The following RAI2 variants were observed in gnomAD, a reference collection of about 807,000 sequenced individuals.
RAI2 encodes retinoic acid induced 2, also known as retinoic acid-induced protein 2.
Under a neutral mutation model 15.3 loss-of-function variants are expected in RAI2, and 5 were observed. The ratio of observed to expected loss-of-function variants is 0.33; its 90% CI spans 0.17 to 0.69. RAI2 has a LOEUF of 0.69. RAI2 is among the 30% of genes least tolerant of loss of function. The pLI, the probability that RAI2 is intolerant of heterozygous loss-of-function variation, is 0.69. For missense variants in RAI2, 424 were observed against 424.7 expected (o/e 1.00, Z 0.01); for synonymous variants, 191 against 184.0 (o/e 1.04, Z -0.31).
At chrX:17,837,044 T>C (rs1478403566) in intron 1 of RAI2, among the ~76,000 whole-genome samples, 1 of 111,899 alleles carries the variant, frequency 8.9e-6, no homozygotes, top group Non-Finnish European at 1.9e-5. Flanking sequence ...CATTGCATCA[T>C]CAGTTGAGGG....
At chrX:17,820,476 G>T (rs2067152144) in intron 1 of RAI2, among the ~76,000 whole-genome samples, 1 of 111,884 alleles carries the variant, frequency 8.9e-6, no homozygotes, top group African/African-American at 3.3e-5. Context: ...GAAGTGGAAA[G>T]TCAGAAGTTC....
chrX:17,835,639 A>ACAAACT (rs2067326463), intron 1 of RAI2, among the ~76,000 whole-genome samples: 2 of 111,521 alleles, frequency 1.8e-5, no homozygotes, highest in Admixed American at 9.5e-5. Flanking sequence ...CCCCAGAACC[A>ACAAACT]CAAACTCAAA....
intron 1 of RAI2, among the ~76,000 whole-genome samples, chrX:17,836,557 GA>G (rs1258544188): frequency 2.7e-5 from 3 of 111,847 alleles, no homozygotes; most frequent in Non-Finnish European, 3.8e-5. Flanking sequence ...TTGTAAAGGT[GA>G]AAAAAATTCT....
chrX:17,853,098 G>A (rs951809821), intron 1 of RAI2, among the ~76,000 whole-genome samples: 21 of 111,310 alleles, frequency 1.9e-4, no homozygotes, highest in African/African-American at 6.2e-4. Context: ...GTCATGCCTG[G>A]AATCAGGTGC....
intron 1 of RAI2, among the ~76,000 whole-genome samples, chrX:17,855,180 T>C (rs1387952319): frequency 8.9e-6 from 1 of 112,120 alleles, no homozygotes; most frequent in Non-Finnish European, 1.9e-5. Flanking sequence ...CTTGCTCTTG[T>C]TCTCATCAAG....
intron 1 of RAI2, among the ~76,000 whole-genome samples, chrX:17,806,709 C>T (rs1489206101): frequency 9.0e-6 from 1 of 111,186 alleles, no homozygotes; most frequent in Non-Finnish European, 1.9e-5. Flanking sequence ...AAAGACATAC[C>T]TGAGACTGGG....
chrX:17,853,734 T>C (rs1159985157), intron 1 of RAI2, among the ~76,000 whole-genome samples: 2 of 111,545 alleles, frequency 1.8e-5, no homozygotes, highest in African/African-American at 6.5e-5. Context: ...ACATATATGT[T>C]GACTAACATA....
At chrX:17,831,374 A>C (rs773185805) in intron 1 of RAI2, among the ~76,000 whole-genome samples, 43 of 112,071 alleles carry the variant, frequency 3.8e-4, no homozygotes, top group Admixed American at 3.2e-3. Flanking sequence ...TTTTAAAAAA[A>C]CAAAAAACAA....
At chrX:17,850,594 G>T (rs1156466897) in intron 1 of RAI2, among the ~76,000 whole-genome samples, 1 of 112,303 alleles carries the variant, frequency 8.9e-6, no homozygotes, top group East Asian at 2.8e-4. Flanking sequence ...GTAAAGAAGG[G>T]ACTCAGGGAA....
chrX:17,805,433 T>C (rs1053326806), intron 1 of RAI2, among the ~76,000 whole-genome samples: 1 of 112,871 alleles, frequency 8.9e-6, no homozygotes, highest in African/African-American at 3.2e-5. Flanking sequence ...TATGGTTCTG[T>C]TACTGGAGGG....
intron 1 of RAI2, among the ~76,000 whole-genome samples, chrX:17,827,443 AGTGCTTACTGT>A (rs1271169903): frequency 8.9e-6 from 1 of 112,481 alleles, no homozygotes; most frequent in East Asian, 2.8e-4. Flanking sequence ...TTTTATACAC[AGTGCTTACTGT>A]GTATACACAG....
intron 1 of RAI2, among the ~76,000 whole-genome samples, chrX:17,850,991 C>G (rs2067526250): frequency 8.9e-6 from 1 of 112,797 alleles, no homozygotes; most frequent in Admixed American, 9.3e-5. Context: ...CCGATACAGG[C>G]AGTGGTCTGC....
chrX:17,844,899 TA>T (rs918984902), intron 1 of RAI2, among the ~76,000 whole-genome samples: 2 of 112,021 alleles, frequency 1.8e-5, no homozygotes, highest in Non-Finnish European at 3.8e-5. Flanking sequence ...TGTATGTATG[TA>T]AGAATTTTAG....
intron 1 of RAI2, among the ~76,000 whole-genome samples, chrX:17,845,475 T>C (rs2067445879): frequency 8.9e-6 from 1 of 112,072 alleles, no homozygotes; most frequent in Non-Finnish European, 1.9e-5. Flanking sequence ...TTTCTCTTTG[T>C]ATTTCTGAAT....
intron 1 of RAI2, among the ~76,000 whole-genome samples, chrX:17,834,625 T>C (rs2067315439): frequency 9.0e-6 from 1 of 111,108 alleles, no homozygotes; most frequent in African/African-American, 3.3e-5. Flanking sequence ...AAGGATTTCG[T>C]AGTTGATTAT....
At chrX:17,850,708 T>C (rs1310321798) in intron 1 of RAI2, among the ~76,000 whole-genome samples, 3 of 111,987 alleles carry the variant, frequency 2.7e-5, no homozygotes, top group East Asian at 2.8e-4. Context: ...CCTCAGACTT[T>C]TGAATGTTAT....
intron 1 of RAI2, among the ~76,000 whole-genome samples, chrX:17,851,473 AT>A (rs1443203941): frequency 8.9e-6 from 1 of 112,190 alleles, no homozygotes; most frequent in Non-Finnish European, 1.9e-5. Context: ...GTAACTCTGT[AT>A]GGTTTTCAAA....
chrX:17,845,774 T>C (rs933615753), intron 1 of RAI2, among the ~76,000 whole-genome samples: 6 of 112,496 alleles, frequency 5.3e-5, no homozygotes, highest in African/African-American at 1.9e-4. Flanking sequence ...TTGCTGCTCC[T>C]AGAAAAATAA....
At chrX:17,854,394 C>A (rs998418955) in intron 1 of RAI2, among the ~76,000 whole-genome samples, 2 of 112,096 alleles carry the variant, frequency 1.8e-5, no homozygotes, top group Non-Finnish European at 3.8e-5. Flanking sequence ...TGTTTCAGTT[C>A]CCTAAAATTC....
Sources: allele counts gnomAD v4.1 joint callset (sites outside exome capture counted in the v4.1 genomes callset), GRCh38; gene constraint gnomAD v4.1.1; transcripts MANE v1.5; gene names NCBI Gene and HGNC (gene_info 2026-07-23, HGNC 2026-07-21).